Variants in BTBD9 observed in about 807,000 individuals in gnomAD.
BTBD9 encodes BTB/POZ domain-containing protein 9.
BTBD9 carries 49 observed loss-of-function variants against 64.3 expected under a neutral mutation model. The observed-to-expected ratio is 0.76, with a 90% CI of 0.61 to 0.97. The LOEUF (loss-of-function observed/expected upper bound fraction) is 0.97, where lower values mean the gene tolerates loss of function less well. Ranked by LOEUF, BTBD9 falls within the 50% of genes least tolerant of loss-of-function variation. BTBD9 has a pLI of 0.00. For missense variants in BTBD9, 598 were observed against 762.1 expected, an observed-to-expected ratio of 0.78 and a Z score of 2.53; for synonymous variants, 260 against 274.7, an observed-to-expected ratio of 0.95 and a Z score of 0.53.
intron 7 of BTBD9, among the ~76,000 whole-genome samples, chr6:38,321,768 T>C (rs1039994979): frequency 1.3e-5 from 2 of 152,188 alleles, no homozygotes; most frequent in African/African-American, 4.8e-5. Flanking sequence ...GTATGCCATA[T>C]TACACTTTCT....
At chr6:38,372,648 G>A (rs1374874009) in intron 6 of BTBD9, among the ~76,000 whole-genome samples, 3 of 152,146 alleles carry the variant, frequency 2.0e-5, no homozygotes, top group South Asian at 2.1e-4. Context: ...CACTGAGACC[G>A]TGGCCTACCC....
intron 6 of BTBD9, among the ~76,000 whole-genome samples, chr6:38,452,154 T>C (rs1177810679): frequency 1.3e-5 from 2 of 152,134 alleles, no homozygotes; most frequent in African/African-American, 2.4e-5. Flanking sequence ...CACTAAACTA[T>C]GTATTTTACA....
At chr6:38,449,776 A>T (rs889850942) in intron 6 of BTBD9, among the ~76,000 whole-genome samples, 1 of 152,092 alleles carries the variant, frequency 6.6e-6, no homozygotes, top group East Asian at 1.9e-4. Flanking sequence ...ATAAAAATCA[A>T]CTCAAAATGG....
intron 7 of BTBD9, among the ~76,000 whole-genome samples, chr6:38,290,364 G>C (rs994988367): frequency 6.6e-6 from 1 of 151,036 alleles, no homozygotes; most frequent in African/African-American, 2.4e-5. Flanking sequence ...GGTAAGTTAT[G>C]GTACTTCTAT....
intron 6 of BTBD9, among the ~76,000 whole-genome samples, chr6:38,546,992 T>C (rs532921950): frequency 6.6e-6 from 1 of 152,266 alleles, no homozygotes; most frequent in South Asian, 2.1e-4. Flanking sequence ...TCAGTGTTCT[T>C]TGATGTTACC....
intron 6 of BTBD9, among the ~76,000 whole-genome samples, chr6:38,466,837 C>T (rs147727711): frequency 0.018 from 2,788 of 152,228 alleles, 74 homozygotes; most frequent in African/African-American, 0.062. Flanking sequence ...CTCAGCCTCC[C>T]GAAGTGCTGG....
At chr6:38,533,630 C>T (rs1773891999) in intron 6 of BTBD9, among the ~76,000 whole-genome samples, 1 of 152,040 alleles carries the variant, frequency 6.6e-6, no homozygotes, top group Non-Finnish European at 1.5e-5. Flanking sequence ...CAAGGATAGA[C>T]CATATGTTAG....
chr6:38,230,283 T>A (rs1763551791), intron 9 of BTBD9, among the ~76,000 whole-genome samples: 1 of 152,094 alleles, frequency 6.6e-6, no homozygotes, highest in Admixed American at 6.6e-5. Flanking sequence ...TCACCTGAGG[T>A]CAGGAGTTCA....
intron 10 of BTBD9, among the ~76,000 whole-genome samples, chr6:38,185,258 G>A (rs1761766951): frequency 6.6e-6 from 1 of 152,174 alleles, no homozygotes; most frequent in Non-Finnish European, 1.5e-5. Context: ...CAGAGTTAAG[G>A]GGCTTTTTAA....
intron 6 of BTBD9, among the ~76,000 whole-genome samples, chr6:38,543,467 T>C (rs1446538732): frequency 2.0e-5 from 3 of 152,224 alleles, no homozygotes; most frequent in Non-Finnish European, 2.9e-5. Flanking sequence ...TAAATGTTTG[T>C]CAAATAAACA....
chr6:38,419,390 T>C (rs539914232), intron 6 of BTBD9, among the ~76,000 whole-genome samples: 1 of 152,356 alleles, frequency 6.6e-6, no homozygotes, highest in Non-Finnish European at 1.5e-5. Flanking sequence ...ATATAAACGA[T>C]ATCTCAATAA....
At chr6:38,383,570 A>T (rs934848664) in intron 6 of BTBD9, among the ~76,000 whole-genome samples, 2 of 152,228 alleles carry the variant, frequency 1.3e-5, no homozygotes, top group Admixed American at 6.5e-5. Flanking sequence ...TGGCAACAAA[A>T]ATAGATGTTA....
At chr6:38,386,786 G>T (rs966425794) in intron 6 of BTBD9, among the ~76,000 whole-genome samples, 2 of 151,908 alleles carry the variant, frequency 1.3e-5, no homozygotes, top group Non-Finnish European at 2.9e-5. Flanking sequence ...GGGACTACAG[G>T]TGTATGCACA....
intron 7 of BTBD9, among the ~76,000 whole-genome samples, chr6:38,329,806 A>T (rs1220679181): frequency 6.6e-6 from 1 of 151,984 alleles, no homozygotes; most frequent in Non-Finnish European, 1.5e-5. Flanking sequence ...ACAAAAAACT[A>T]GCGGGGCGTG....
chr6:38,331,199 G>C (rs950455667), intron 7 of BTBD9, among the ~76,000 whole-genome samples: 1 of 152,184 alleles, frequency 6.6e-6, no homozygotes, highest in Non-Finnish European at 1.5e-5. Context: ...GAAGCAACAG[G>C]CCAGGCGTGG....
rs143880350 is a variant in BTBD9 at position 38,228,593 on chromosome 6, A to C, written c.1562+27816T>G. Among the ~76,000 whole-genome samples the C allele has an allele frequency of 8.1e-3, 1,225 of 150,594 alleles. 5 individuals are homozygous for C. Among genetic ancestry groups the C allele is most frequent in the Non-Finnish European group, 0.013 (897 of 67,514 alleles). ...GGCTCTTAAAAAAAAAACAGTCTCT[A>C]GGCTGGGCACGGTGGCTCATGCCTG... is the stretch of plus-strand genomic sequence containing the variant. On this transcript the variant is annotated intron_variant, in intron 9 of 10. Transcript: ENST00000481247.
At chr6:38,416,162 G>A (rs1253140233) in intron 6 of BTBD9, among the ~76,000 whole-genome samples, 1 of 152,126 alleles carries the variant, frequency 6.6e-6, no homozygotes, top group Non-Finnish European at 1.5e-5. Flanking sequence ...AGGGTAGGGT[G>A]GAATGAAAGC....
chr6:38,504,618 T>A (rs1374826959), intron 6 of BTBD9: 1 of 455,626 alleles, frequency 2.2e-6, no homozygotes, highest in Non-Finnish European at 4.4e-6. Flanking sequence ...AACAATATAG[T>A]TTAAAATTAT....
chr6:38,588,506 A>G, intron 4 of BTBD9: 1 of 824,182 alleles, frequency 1.2e-6, no homozygotes, highest in African/African-American at 1.7e-5. Context: ...GGGCTATACC[A>G]AACCTGGACC....
Sources: gnomAD v4.1 joint callset for allele counts (sites outside exome capture counted in the v4.1 genomes callset) on GRCh38, gnomAD v4.1.1 for gene constraint, MANE v1.5 for transcripts, NCBI Gene and HGNC (gene_info 2026-07-23, HGNC 2026-07-21) for gene names.